SHISA6: variants seen among roughly 807,000 people sequenced by gnomAD.
The protein encoded by SHISA6 is protein shisa-6.
In SHISA6, 22 loss-of-function variants were observed where a neutral mutation model predicts 47.9. The observed-to-expected ratio is 0.46, with a 90% CI of 0.33 to 0.66. The LOEUF (loss-of-function observed/expected upper bound fraction) is 0.66. Ranked by LOEUF, SHISA6 falls within the 30% of genes least tolerant of loss-of-function variation. SHISA6 has a pLI of 0.02. For missense variants in SHISA6, 680 were observed against 764.6 expected (o/e 0.89, Z 1.30); for synonymous variants, 388 against 337.8 (o/e 1.15, Z -1.63).
At chr17:11,286,370 C>T (rs1427323218) in intron 2 of SHISA6, among the ~76,000 whole-genome samples, 3 of 152,114 alleles carry the variant, frequency 2.0e-5, no homozygotes, top group Non-Finnish European at 4.4e-5. Context: ...TTCCCATACC[C>T]CTTTGACCAC....
intron 3 of SHISA6, among the ~76,000 whole-genome samples, chr17:11,529,539 AAT>A (rs894360736): frequency 6.6e-6 from 1 of 152,240 alleles, no homozygotes; most frequent in Non-Finnish European, 1.5e-5. Context: ...TAAGAAAAAC[AAT>A]ATGTGTCCCA....
intron 2 of SHISA6, among the ~76,000 whole-genome samples, chr17:11,349,842 G>A (rs1911813229): frequency 6.6e-6 from 1 of 152,148 alleles, no homozygotes; most frequent in African/African-American, 2.4e-5. Context: ...AATGAATCAC[G>A]TGGAGAGTCA....
chr17:11,318,386 C>T (rs374207434), intron 2 of SHISA6, among the ~76,000 whole-genome samples: 4 of 152,298 alleles, frequency 2.6e-5, no homozygotes, highest in Middle Eastern at 3.4e-3. Flanking sequence ...CACTAGGCCT[C>T]GTTTGGCTTC....
intron 3 of SHISA6, among the ~76,000 whole-genome samples, chr17:11,542,726 A>G (rs2071844494): frequency 6.6e-6 from 1 of 152,144 alleles, no homozygotes; most frequent in African/African-American, 2.4e-5. Flanking sequence ...AACCTTTTGC[A>G]GTTCTTGCCT....
chr17:11,300,696 A>T (rs1909896121), intron 2 of SHISA6, among the ~76,000 whole-genome samples: 3 of 141,156 alleles, frequency 2.1e-5, no homozygotes, highest in African/African-American at 2.6e-5. Flanking sequence ...TAATTCAGTG[A>T]CTGTGGGTTT....
At chr17:11,251,189 A>C (rs1334277356) in intron 1 of SHISA6, among the ~76,000 whole-genome samples, 1 of 152,056 alleles carries the variant, frequency 6.6e-6, no homozygotes, top group African/African-American at 2.4e-5. Context: ...GCAAAGACCT[A>C]CCTTCCCATG....
intron 2 of SHISA6, among the ~76,000 whole-genome samples, chr17:11,345,412 T>C (rs888314805): frequency 3.3e-5 from 5 of 152,176 alleles, no homozygotes; most frequent in Admixed American, 2.6e-4. Context: ...AATTGGAAAG[T>C]ATTAGTCTTG....
intron 2 of SHISA6, among the ~76,000 whole-genome samples, chr17:11,308,290 G>A (rs748954033): frequency 2.3e-4 from 35 of 152,336 alleles, no homozygotes; most frequent in Non-Finnish European, 4.1e-4. Flanking sequence ...AGAAGGCACA[G>A]CTAAAGAAGC....
intron 2 of SHISA6, among the ~76,000 whole-genome samples, chr17:11,330,082 C>T (rs1282926947): frequency 6.6e-6 from 1 of 152,144 alleles, no homozygotes; most frequent in Admixed American, 6.5e-5. Context: ...CTTGCATCAT[C>T]CTTACAGCTT....
intron 2 of SHISA6, among the ~76,000 whole-genome samples, chr17:11,362,682 G>A (rs1912327878): frequency 6.6e-6 from 1 of 152,160 alleles, no homozygotes; most frequent in South Asian, 2.1e-4. Context: ...CCATATGAAG[G>A]TAATTAATAC....
intron 3 of SHISA6, among the ~76,000 whole-genome samples, chr17:11,482,635 T>C (rs1031210339): frequency 1.3e-5 from 2 of 152,200 alleles, no homozygotes; most frequent in African/African-American, 4.8e-5. Context: ...TAAATAATTA[T>C]TGTCAATGTA....
chr17:11,481,695 G>A (rs1052877488), intron 3 of SHISA6, among the ~76,000 whole-genome samples: 1 of 151,948 alleles, frequency 6.6e-6, no homozygotes, highest in Non-Finnish European at 1.5e-5. Context: ...GTTTCACCAT[G>A]TTGATCAGGC....
At chr17:11,246,739 A>G (rs1170957355) in intron 1 of SHISA6, among the ~76,000 whole-genome samples, 2 of 152,170 alleles carry the variant, frequency 1.3e-5, no homozygotes, top group African/African-American at 4.8e-5. Flanking sequence ...GCAGACATTC[A>G]CTTAACAAAT....
intron 2 of SHISA6, among the ~76,000 whole-genome samples, chr17:11,356,770 G>A (rs974151459): frequency 2.0e-5 from 3 of 152,122 alleles, no homozygotes; most frequent in Non-Finnish European, 4.4e-5. Context: ...TGCTGGCTGA[G>A]TTGAGGTCTG....
intron 3 of SHISA6, among the ~76,000 whole-genome samples, chr17:11,462,120 A>G (rs1915707206): frequency 6.6e-6 from 1 of 152,048 alleles, no homozygotes. Flanking sequence ...AAGTTAGAAA[A>G]ATAGGGCAAA....
chr17:11,456,335 G>A (rs1450288344), intron 3 of SHISA6, among the ~76,000 whole-genome samples: 1 of 152,146 alleles, frequency 6.6e-6, no homozygotes, highest in Non-Finnish European at 1.5e-5. Context: ...GACTTCCCAG[G>A]GGAGTTCTCC....
chr17:11,246,473 G>C (rs1467139105), intron 1 of SHISA6, among the ~76,000 whole-genome samples: 1 of 152,176 alleles, frequency 6.6e-6, no homozygotes, highest in Non-Finnish European at 1.5e-5. Context: ...CTGGGGGCCA[G>C]AGCGAGACTC....
chr17:11,393,129 G>A (rs1045591885), intron 3 of SHISA6, among the ~76,000 whole-genome samples: 11 of 152,238 alleles, frequency 7.2e-5, no homozygotes, highest in South Asian at 2.1e-4. Context: ...AAGATATCTG[G>A]GCATTTATTG....
At chr17:11,519,381 C>T (rs541330936) in intron 3 of SHISA6, among the ~76,000 whole-genome samples, 2 of 152,308 alleles carry the variant, frequency 1.3e-5, no homozygotes, top group South Asian at 4.1e-4. Flanking sequence ...TGAAATAAGC[C>T]AGTCACAAAA....
Sources: gnomAD v4.1 joint callset for allele counts (sites outside exome capture counted in the v4.1 genomes callset) on GRCh38, gnomAD v4.1.1 for gene constraint, MANE v1.5 for transcripts, NCBI Gene and HGNC (gene_info 2026-07-23, HGNC 2026-07-21) for gene names.